TRIO: variants seen among roughly 807,000 people sequenced by gnomAD.
The protein encoded by TRIO is trio Rho guanine nucleotide exchange factor.
Under a neutral mutation model 351.9 loss-of-function variants are expected in TRIO, and 58 were observed. That is an observed-to-expected ratio of 0.16 (90% CI 0.13 to 0.21). The LOEUF (loss-of-function observed/expected upper bound fraction) is 0.21, where lower values mean the gene tolerates loss of function less well. TRIO is among the 10% of genes least tolerant of loss of function. TRIO has a pLI of 1.00. For missense variants in TRIO, 3,201 were observed against 4,027.8 expected (o/e 0.79, Z 5.56); for synonymous variants, 1,758 against 1,595.7 (o/e 1.10, Z -2.42).
intron 34 of TRIO, among the ~76,000 whole-genome samples, chr5:14,451,486 GTAATT>G (rs1437223870): frequency 1.3e-5 from 2 of 152,232 alleles, no homozygotes; most frequent in East Asian, 3.8e-4. Flanking sequence ...TTCTTTTTAA[GTAATT>G]TATAGATCTG....
At chr5:14,414,747 G>T (rs1749500621) in intron 33 of TRIO, among the ~76,000 whole-genome samples, 1 of 151,784 alleles carries the variant, frequency 6.6e-6, no homozygotes, top group Non-Finnish European at 1.5e-5. Context: ...TAAACTCTAA[G>T]TGGCAGATTT....
At chr5:14,365,146 C>CT (rs1273774429) in intron 15 of TRIO, among the ~76,000 whole-genome samples, 2 of 152,172 alleles carry the variant, frequency 1.3e-5, no homozygotes, top group Non-Finnish European at 2.9e-5. Flanking sequence ...TCTTATATGA[C>CT]TTTTTCTGCC....
In TRIO at chr5:14,488,054, A is replaced by C. The variant is rs1756126174; in HGVS notation, c.7426A>C (p.Ser2476Arg). The change falls in exon 48 of 57, where the codon AGC becomes CGC. Residue 2476 changes from serine (S) to arginine (R), a missense_variant. Around this residue, in one of 19 missense-constraint regions of TRIO, gnomAD observed 1,089 missense variants for 954.9 expected, o/e 1.14. Coordinates refer to ENST00000344204, the MANE Select transcript of TRIO (RefSeq NM_007118.4). The stretch of plus-strand genomic sequence containing the variant: ...TCTCGGCAAGGAGCCCTTCCCCCCC[A>C]GCAGCCCCCTGCAGAAGGGGGGCTC... ...PSLGKEPFPP[S>R]SPLQKGGSFW... The C allele has an allele frequency of 6.2e-7, 1 of 1,608,326 alleles. No homozygotes were observed. Among genetic ancestry groups the C allele is most frequent in the Non-Finnish European group, 8.5e-7 (1 of 1,178,466 alleles).
chr5:14,227,118 A>C (rs187321609), intron 1 of TRIO, among the ~76,000 whole-genome samples: 1 of 152,266 alleles, frequency 6.6e-6, no homozygotes, highest in East Asian at 1.9e-4. Context: ...TATCTTAACA[A>C]CTCAGTTTGT....
chr5:14,202,515 A>T (rs1206852008), intron 1 of TRIO, among the ~76,000 whole-genome samples: 1 of 151,324 alleles, frequency 6.6e-6, no homozygotes, highest in African/African-American at 2.4e-5. Flanking sequence ...ATATGCTTTG[A>T]CTGTGTCCAA....
At chr5:14,483,999 C>T (rs1370834633) in intron 46 of TRIO, among the ~76,000 whole-genome samples, 2 of 151,982 alleles carry the variant, frequency 1.3e-5, no homozygotes, top group African/African-American at 4.8e-5. Context: ...ATCTGAACTA[C>T]ACCCATCCCC....
chr5:14,222,446 C>T (rs148290987), intron 1 of TRIO, among the ~76,000 whole-genome samples: 477 of 152,270 alleles, frequency 3.1e-3, no homozygotes, highest in Non-Finnish European at 4.9e-3. Flanking sequence ...TCCCTTTCAT[C>T]GCAACCTCAT....
chr5:14,473,765 G>T (rs944573200), intron 39 of TRIO, among the ~76,000 whole-genome samples: 4 of 152,206 alleles, frequency 2.6e-5, no homozygotes, highest in Non-Finnish European at 4.4e-5. Context: ...ATCTGTGAAT[G>T]CTGAACAGTC....
intron 21 of TRIO, among the ~76,000 whole-genome samples, chr5:14,382,798 T>A (rs1477501702): frequency 6.6e-6 from 1 of 150,706 alleles, no homozygotes; most frequent in Non-Finnish European, 1.5e-5. Flanking sequence ...TTACCCAGGC[T>A]GGAATACATA....
Position 14,400,895 on chromosome 5 carries a change from T to C in TRIO, c.4615-68T>C, listed in dbSNP as rs1748019933. ...CCACAAGTAACCAAAACCTGTTTCC[T>C]TGGTCTCTGTTCTGCATCCTTCTAG... On this transcript the variant is annotated intron_variant, in intron 30 of 56. Transcript: ENST00000344204. 5 of 1,470,178 alleles carry C rather than the reference T, an allele frequency of 3.4e-6. No individual in the cohort carries two copies. The East Asian group carries it at 9.3e-5, about 27-fold the overall frequency. 91.1% of individuals were successfully genotyped at this position (1,470,178 alleles called of 1,614,324 possible). A position where few individuals can be genotyped will look rare whatever the true frequency, so the allele number is the denominator to read the frequency against.
intron 53 of TRIO, 133 bp from the exon 54 acceptor site, chr5:14,502,446 C>T: frequency 1.4e-6 from 1 of 723,226 alleles, no homozygotes. Flanking sequence ...ACCACATCTC[C>T]ACTCGCATGA....
intron 32 of TRIO, 49 bp from the exon 33 acceptor site, chr5:14,406,524 A>C: frequency 1.3e-6 from 2 of 1,574,144 alleles, no homozygotes; most frequent in Non-Finnish European, 1.7e-6. Flanking sequence ...TTCTCCAGTG[A>C]CTGCCAGCTC....
At chr5:14,301,849 G>C (rs1737925804) in intron 7 of TRIO, among the ~76,000 whole-genome samples, 2 of 152,164 alleles carry the variant, frequency 1.3e-5, no homozygotes, top group South Asian at 4.1e-4. Context: ...ATCAGGCCTA[G>C]AGCTTGGTCT....
chr5:14,486,333 A>G (rs1755915050), intron 47 of TRIO, among the ~76,000 whole-genome samples: 1 of 152,226 alleles, frequency 6.6e-6, no homozygotes, highest in South Asian at 2.1e-4. Context: ...GTGATGTTCA[A>G]GAGCCAGGAA....
At chr5:14,284,375 A>G (rs568302979) in intron 3 of TRIO, among the ~76,000 whole-genome samples, 1 of 152,300 alleles carries the variant, frequency 6.6e-6, no homozygotes, top group East Asian at 1.9e-4. Flanking sequence ...AGGTTTGGGG[A>G]TGTTTACAAG....
intron 19 of TRIO, among the ~76,000 whole-genome samples, chr5:14,375,436 CTG>C (rs1745471545): frequency 6.6e-6 from 1 of 152,206 alleles, no homozygotes; most frequent in Non-Finnish European, 1.5e-5. Context: ...GAGAGGGAGA[CTG>C]TGTTTCGTTT....
chr5:14,145,928 C>T (rs1355105276), intron 1 of TRIO, among the ~76,000 whole-genome samples: 1 of 152,226 alleles, frequency 6.6e-6, no homozygotes, highest in Non-Finnish European at 1.5e-5. Flanking sequence ...TAATGTCTCA[C>T]TGGCTTGTTC....
chr5:14,493,228 C>A (rs62345874), intron 49 of TRIO, among the ~76,000 whole-genome samples: 2,412 of 152,188 alleles, frequency 0.016, 22 homozygotes, highest in Non-Finnish European at 0.025. Flanking sequence ...CAGTAGGGAG[C>A]GTGCGGAGAT....
chr5:14,422,486 T>C (rs1021127434), intron 34 of TRIO, among the ~76,000 whole-genome samples: 5 of 152,192 alleles, frequency 3.3e-5, no homozygotes, highest in Non-Finnish European at 7.3e-5. Flanking sequence ...TAAGGTCAAA[T>C]GACTATTTAT....
Sources: gnomAD v4.1 joint callset for allele counts (sites outside exome capture counted in the v4.1 genomes callset) on GRCh38, gnomAD v4.1.1 for gene constraint, gnomAD v4.1.1 regional missense constraint, MANE v1.5 for transcripts, NCBI Gene and HGNC (gene_info 2026-07-23, HGNC 2026-07-21) for gene names.